Variants in ESPNL observed in about 807,000 individuals in gnomAD.
ESPNL encodes espin like.
A neutral mutation model predicts 46.8 loss-of-function variants in ESPNL; 49 were observed. The ratio of observed to expected loss-of-function variants is 1.05; its 90% CI spans 0.83 to 1.33. The LOEUF is 1.33. ESPNL is among the 40% of genes most tolerant of loss of function. The pLI is 0.00. For missense variants in ESPNL, 1,540 were observed against 1,436.6 expected (o/e 1.07, Z -1.16); for synonymous variants, 664 against 662.1 (o/e 1.00, Z -0.04).
rs1276587139 is a variant in ESPNL at position 238,127,675 on chromosome 2, G to C, written c.1156G>C (p.Glu386Gln). 1.2e-6 allele frequency: 2 copies of C among 1,612,960 alleles called. No homozygotes were observed. Among genetic ancestry groups the C allele is most frequent in the Non-Finnish European group, 1.7e-6 (2 of 1,179,654 alleles). The change falls in exon 7 of 9, where the codon GAG (glutamate) becomes CAG (glutamine). Residue 386 changes from glutamate (E) to glutamine (Q), a missense_variant. By Grantham distance (29) the Glu-to-Gln change is conservative. Transcript: ENST00000343063. ...PGHPDQPLPREQMTSPAPPRI... is the reference protein window; with the variant it reads ...PGHPDQPLPRQQMTSPAPPRI... Reference sequence around the variant, plus strand: ...CCATCCTGACCAGCCTCTTCCCAGGGAGCAGATGACCAGCCCGGCCCCTCC... The same window carrying C: ...CCATCCTGACCAGCCTCTTCCCAGGCAGCAGATGACCAGCCCGGCCCCTCC...
chr2:238,121,377 G>C (rs985022957), intron 5 of ESPNL, among the ~76,000 whole-genome samples: 2 of 152,196 alleles, frequency 1.3e-5, no homozygotes, highest in Admixed American at 6.5e-5. Flanking sequence ...CCTGGGCATG[G>C]GGCACTGGCA....
At position 238,131,037 on chromosome 2, in the gene ESPNL, G is replaced by GGCCAGGAGGCC. The variant is rs763373088; in HGVS notation, c.2332_2342dup (p.Ser781ArgfsTer50). The GGCCAGGAGGCC allele has an allele frequency of 7.2e-6, 11 of 1,538,248 alleles. No individual in the cohort carries two copies. In the South Asian group the frequency reaches 1.3e-4, roughly 18 times the overall value. On this transcript the variant is annotated frameshift_variant, in exon 9 of 9. Transcript: ENST00000343063. LOFTEE classifies it low-confidence loss of function (END_TRUNC). ...AGGAGCCCGCCACGCGGGGTTGCGG[G>GGCCAGGAGGCC]GCCAGGAGGCCGCCAGGAGCCCTGG...
At chr2:238,128,570 C>G (rs906894130) in intron 7 of ESPNL, 137 bp from the exon 8 acceptor site, 2 of 722,166 alleles carry the variant, frequency 2.8e-6, no homozygotes, top group East Asian at 2.7e-5. Context: ...CTGTCCGTGG[C>G]CCCCACTGTC....
intron 2 of ESPNL, among the ~76,000 whole-genome samples, chr2:238,103,856 T>A (rs1691538519): frequency 6.6e-6 from 1 of 152,120 alleles, no homozygotes; most frequent in Non-Finnish European, 1.5e-5. Context: ...TGTGTCCCCC[T>A]TGCTAGGAGC....
At chr2:238,129,364 G>A (rs964626854) in intron 8 of ESPNL, 8 of 601,662 alleles carry the variant, frequency 1.3e-5, no homozygotes, top group Non-Finnish European at 4.2e-6. Context: ...AGGGAAGAGA[G>A]GGGGAGCCCT....
chr2:238,128,926 G>T, intron 8 of ESPNL, 22 bp downstream of exon 8: 1 of 1,527,010 alleles, frequency 6.5e-7, no homozygotes, highest in South Asian at 1.2e-5. Context: ...GCAGGGGCGG[G>T]ACCAGTGGGC....
chr2:238,129,430 C>T (rs961582755), intron 8 of ESPNL, among the ~76,000 whole-genome samples: 5 of 152,148 alleles, frequency 3.3e-5, no homozygotes, highest in African/African-American at 4.8e-5. Context: ...TGCAAGGGTC[C>T]TGAGGCCGGG....
At chr2:238,120,375 C>A (rs1000992560) in intron 5 of ESPNL, among the ~76,000 whole-genome samples, 9 of 152,208 alleles carry the variant, frequency 5.9e-5, no homozygotes, top group Non-Finnish European at 1.3e-4. Flanking sequence ...CCTCCACAAG[C>A]CCCTGGCACA....
At position 238,125,269 on chromosome 2, in the gene ESPNL, G is replaced by C; in HGVS notation, c.988-1G>C. The C allele has an allele frequency of 6.7e-7, 1 of 1,487,546 alleles. No homozygotes were observed. The highest frequency in any genetic ancestry group is 9.0e-7 in the Non-Finnish European group (1 of 1,107,528). 92.1% of individuals were successfully genotyped at this position (1,487,546 alleles called of 1,614,324 possible). A position where few individuals can be genotyped will look rare whatever the true frequency, so the allele number is the denominator to read the frequency against. On this transcript the variant is annotated splice_acceptor_variant, in intron 5 of 8. Transcript: ENST00000343063. LOFTEE classifies it high-confidence loss of function. The stretch of plus-strand genomic sequence containing the variant: ...CACTGACCAGGCCCATTCACCCACA[G>C]GTGCCCCTGCTGATGACGCCCCCAC...
At position 238,128,834 on chromosome 2, in the gene ESPNL, A is replaced by G. The variant is rs911995537; in HGVS notation, c.1343A>G (p.Glu448Gly). Residue 448 changes from glutamate to glycine, a missense_variant, in exon 8 of 9, where the codon GAG becomes GGG. Transcript: ENST00000343063. ...TRDERGQPIP[E>G]WKRQVMVRKL... ...GATGAGCGCGGCCAGCCCATCCCAG[A>G]GTGGAAGCGGCAGGTGATGGTGCGG... The G allele has an allele frequency of 6.5e-7, 1 of 1,549,714 alleles. No homozygotes were observed. The highest frequency in any genetic ancestry group is 1.4e-5 in the African/African-American group (1 of 73,072).
chr2:238,107,697 C>G, intron 3 of ESPNL, 94 bp from the exon 4 acceptor site: 1 of 1,286,310 alleles, frequency 7.8e-7, no homozygotes, highest in Non-Finnish European at 1.1e-6. Flanking sequence ...AGAGGTACAG[C>G]CAGAGTCCAC....
In ESPNL at chr2:238,131,418, A is replaced by G; in HGVS notation, c.2704A>G (p.Lys902Glu). 4 of 1,608,948 alleles carry G rather than the reference A, an allele frequency of 2.5e-6. No individual in the cohort carries two copies. Among genetic ancestry groups the G allele is most frequent in the Admixed American group, 1.7e-5 (1 of 59,756 alleles). ...CTGGGAGGCTGTGCGCGCCTTCCAC[A>G]AGGCCGTGACCGACGAGGTGGCCGC... Reference protein sequence around the residue: ...HGWEAVRAFHKAVTDEVAAGR... With the variant: ...HGWEAVRAFHEAVTDEVAAGR... Residue 902 changes from lysine (K) to glutamate (E), a missense_variant, in exon 9 of 9, where the codon AAG becomes GAG. Coordinates refer to ENST00000343063, the MANE Select transcript of ESPNL (RefSeq NM_194312.4).
intron 8 of ESPNL, among the ~76,000 whole-genome samples, chr2:238,129,923 C>G (rs1692246645): frequency 6.6e-6 from 1 of 152,238 alleles, no homozygotes; most frequent in African/African-American, 2.4e-5. Context: ...GCCGTAGGGG[C>G]TGAAAGCCAC....
chr2:238,118,538 G>GGTT (rs1691880270), intron 5 of ESPNL, among the ~76,000 whole-genome samples: 1 of 129,964 alleles, frequency 7.7e-6, no homozygotes, highest in Non-Finnish European at 1.6e-5. Context: ...GATGGAGGAG[G>GGTT]AATGGATGGA....
At position 238,132,994 on chromosome 2, in the gene ESPNL, AC is replaced by A. The variant is rs1692376741; in HGVS notation, c.*1264del. On this transcript the variant is annotated 3_prime_UTR_variant, in exon 9 of 9. Coordinates refer to ENST00000343063, the MANE Select transcript of ESPNL (RefSeq NM_194312.4). ...AATCCCTGGGGATTGTCCAGGCAAA[AC>A]CTGGAGGGCAGCGGGCAAGCTGTTG... is the stretch of plus-strand genomic sequence containing the variant. 6.6e-6 allele frequency: 1 copy of A among 152,244 alleles called. No individual in the cohort carries two copies. The highest frequency in any genetic ancestry group is 1.5e-5 in the Non-Finnish European group (1 of 68,068). The allele number at this position is 152,244 out of a possible 1,614,324, so 9.4% of individuals were successfully genotyped here.
At chr2:238,104,919 TG>T in intron 3 of ESPNL, 77 bp downstream of exon 3, 1 of 1,295,002 alleles carries the variant, frequency 7.7e-7, no homozygotes, top group Non-Finnish European at 1.0e-6. Context: ...GGAGCCTGGA[TG>T]GGGGCTCCAG....
Position 238,100,574 on chromosome 2 carries a change from T to G in ESPNL, c.155T>G (p.Val52Gly). Residue 52 changes from valine to glycine, a missense_variant, in exon 1 of 9, where the codon GTC becomes GGC. By Grantham distance (109) the Val-to-Gly change is moderately radical. Coordinates refer to ENST00000343063, the MANE Select transcript of ESPNL (RefSeq NM_194312.4). Reference sequence around the variant, plus strand: ...ACCCGGGCTGGCCACCTGGACTGCGTCAAGTTCTTGGTGCAGCGGGCCCAG... The same window carrying G: ...ACCCGGGCTGGCCACCTGGACTGCGGCAAGTTCTTGGTGCAGCGGGCCCAG... The part of the protein sequence containing the change: ...HATRAGHLDC[V>G]KFLVQRAQLP... The G allele has an allele frequency of 3.8e-6, 6 of 1,580,068 alleles. No homozygotes were observed. Among genetic ancestry groups the G allele is most frequent in the Non-Finnish European group, 5.1e-6 (6 of 1,165,376 alleles).
In ESPNL at chr2:238,100,655, C is replaced by T; in HGVS notation, c.236C>T (p.Ala79Val). The change falls in exon 1 of 9, where the codon GCC (alanine) becomes GTC (valine). Residue 79 changes from alanine to valine, a missense_variant. Coordinates refer to ENST00000343063, the MANE Select transcript of ESPNL (RefSeq NM_194312.4). ...GCCACCCCAGCGCATGACGCCGCTG[C>T]CACGGGCAGCCTGGCCGAGCTGTGC... Reference protein sequence around the residue: ...NGATPAHDAAATGSLAELCWL... With the variant: ...NGATPAHDAAVTGSLAELCWL... The T allele has an allele frequency of 6.9e-7, 1 of 1,446,972 alleles. No homozygotes were observed. The allele number at this position is 1,446,972 out of a possible 1,614,324, so 89.6% of individuals were successfully genotyped here.
chr2:238,124,642 T>G, intron 5 of ESPNL, among the ~76,000 whole-genome samples: 1 of 132,138 alleles, frequency 7.6e-6, no homozygotes, highest in Non-Finnish European at 1.6e-5. Context: ...TGCAGGAGAG[T>G]GTACGTGCAT....
Sources: allele counts gnomAD v4.1 joint callset (sites outside exome capture counted in the v4.1 genomes callset), GRCh38; gene constraint gnomAD v4.1.1; transcripts MANE v1.5; gene names NCBI Gene and HGNC (gene_info 2026-07-23, HGNC 2026-07-21).